Variants in YLPM1 observed in about 807,000 individuals in gnomAD.
YLPM1 encodes YLP motif containing 1, also known as YLP motif-containing protein 1.
In YLPM1, 99 loss-of-function variants were observed where a neutral mutation model predicts 230.0. The observed-to-expected ratio is 0.43, with a 90% CI of 0.37 to 0.51. The LOEUF is 0.51. Among genes scored for constraint, YLPM1 ranks in the 20% least tolerant of loss-of-function variants. The pLI, the probability that YLPM1 is intolerant of heterozygous loss-of-function variation, is 0.00. For missense variants in YLPM1, 2,592 were observed against 2,707.7 expected (o/e 0.96, Z 0.95); for synonymous variants, 984 against 942.5 (o/e 1.04, Z -0.81).
At chr14:74,777,118 A>G (rs2091048910) in intron 1 of YLPM1, among the ~76,000 whole-genome samples, 2 of 152,050 alleles carry the variant, frequency 1.3e-5, no homozygotes, top group African/African-American at 4.8e-5. Context: ...ATCCAAGAAT[A>G]ATGAGGATTG....
chr14:74,806,392 C>T (rs1394118213), intron 6 of YLPM1, among the ~76,000 whole-genome samples: 2 of 151,918 alleles, frequency 1.3e-5, no homozygotes, highest in Admixed American at 1.3e-4. Context: ...TCAAGACCAG[C>T]TTGGCCAACA....
At chr14:74,769,858 C>CCCG (rs2090958365) in intron 1 of YLPM1, among the ~76,000 whole-genome samples, 1 of 97,778 alleles carries the variant, frequency 1.0e-5, no homozygotes, top group South Asian at 5.6e-4. Flanking sequence ...GACACCCCCC[C>CCCG]CCCCGCCCCC....
At chr14:74,801,385 C>G (rs1312657744) in intron 5 of YLPM1, among the ~76,000 whole-genome samples, 1 of 152,020 alleles carries the variant, frequency 6.6e-6, no homozygotes, top group Non-Finnish European at 1.5e-5. Flanking sequence ...ATTTGGGTCA[C>G]TTTAATGTAA....
At chr14:74,768,671 C>A (rs1307626244) in intron 1 of YLPM1, among the ~76,000 whole-genome samples, 1 of 152,190 alleles carries the variant, frequency 6.6e-6, no homozygotes, top group Non-Finnish European at 1.5e-5. Flanking sequence ...TACTTACGGA[C>A]TAGCAACTAT....
At chr14:74,783,935 G>A (rs1421226031) in intron 4 of YLPM1, among the ~76,000 whole-genome samples, 1 of 152,206 alleles carries the variant, frequency 6.6e-6, no homozygotes, top group Non-Finnish European at 1.5e-5. Flanking sequence ...GGATTATTTA[G>A]CAGAGTGAGT....
chr14:74,800,522 A>G (rs1162436531), intron 5 of YLPM1, among the ~76,000 whole-genome samples: 2 of 152,192 alleles, frequency 1.3e-5, no homozygotes, highest in African/African-American at 4.8e-5. Flanking sequence ...TTTTAAAGCA[A>G]TTTTTTTGAG....
chr14:74,830,434 C>G (rs1566768944), intron 19 of YLPM1, among the ~76,000 whole-genome samples: 1 of 152,154 alleles, frequency 6.6e-6, no homozygotes, highest in Non-Finnish European at 1.5e-5. Context: ...GTGTAGAAGT[C>G]TTTTTCAGCT....
chr14:74,835,428 G>A lies in YLPM1; in HGVS notation c.*17G>A, dbSNP rs750088689. 1.3e-5 allele frequency: 21 copies of A among 1,612,408 alleles called. No homozygotes were observed. The highest frequency in any genetic ancestry group is 2.2e-5 in the South Asian group (2 of 90,932). ...TATATATGAGACTTAGTTTTTGAAC[G>A]GAGTCATTATTCCTCTAAGGTAAGA... is the stretch of plus-strand genomic sequence containing the variant. On this transcript the variant is annotated 3_prime_UTR_variant, in exon 20 of 21. Coordinates refer to ENST00000325680, the MANE Select transcript of YLPM1 (RefSeq NM_019589.3).
intron 16 of YLPM1, among the ~76,000 whole-genome samples, chr14:74,820,324 A>G (rs2091510940): frequency 6.6e-6 from 1 of 152,084 alleles, no homozygotes; most frequent in Non-Finnish European, 1.5e-5. Flanking sequence ...ATCATAGCTC[A>G]TTGCTGCCTC....
chr14:74,783,761 G>A (rs2091118898), intron 4 of YLPM1, among the ~76,000 whole-genome samples: 2 of 152,070 alleles, frequency 1.3e-5, no homozygotes, highest in Admixed American at 6.6e-5. Flanking sequence ...TAAGAGAAAG[G>A]GCAATTAACA....
intron 3 of YLPM1, among the ~76,000 whole-genome samples, 171 bp downstream of exon 3, chr14:74,780,755 GGGTT>G (rs1341424771): frequency 6.6e-6 from 1 of 152,196 alleles, no homozygotes; most frequent in Non-Finnish European, 1.5e-5. Context: ...GACTGGGGAG[GGGTT>G]GGTTATAGTA....
intron 17 of YLPM1, 148 bp from the exon 18 acceptor site, chr14:74,824,108 T>G: frequency 4.3e-6 from 3 of 696,556 alleles, no homozygotes; most frequent in Non-Finnish European, 2.4e-6. Context: ...TCAAAGATAA[T>G]GAGATTGTGT....
At chr14:74,825,756 T>C (rs2091556557) in intron 18 of YLPM1, among the ~76,000 whole-genome samples, 1 of 152,122 alleles carries the variant, frequency 6.6e-6, no homozygotes, top group African/African-American at 2.4e-5. Context: ...AAGGGGAATG[T>C]AAAAGTGATA....
rs1440106188 is a variant in YLPM1 at position 74,821,115 on chromosome 14, C to A, written c.6089C>A (p.Ala2030Glu). ...IEEQKEEKKD[A>E]EEEESELGYI... ...GAACAGAAAGAAGAAAAGAAAGATG[C>A]AGAGGAAGAGGAAAGCGAACTGGTA... The change falls in exon 17 of 21, where the codon GCA becomes GAA. Residue 2030 changes from alanine to glutamate, a missense_variant. By Grantham distance (107) the Ala-to-Glu change is moderately radical (BLOSUM62 -1). Transcript: ENST00000325680. 3 of 1,543,462 alleles carry A rather than the reference C, an allele frequency of 1.9e-6. No individual in the cohort carries two copies. The highest frequency in any genetic ancestry group is 2.6e-6 in the Non-Finnish European group (3 of 1,143,412).
At position 74,781,563 on chromosome 14, in the gene YLPM1, A is replaced by G; in HGVS notation, c.1520A>G (p.Lys507Arg). The change falls in exon 4 of 21, where the codon AAG (lysine) becomes AGG (arginine). Residue 507 changes from lysine to arginine, a missense_variant. Around this residue, in one of 4 missense-constraint regions of YLPM1, gnomAD observed 1,862 missense variants for 1,819.8 expected, o/e 1.02. Coordinates refer to ENST00000325680, the MANE Select transcript of YLPM1 (RefSeq NM_019589.3). Reference sequence around the variant, plus strand: ...AAAGTCAATTCATTTCAGAACATGAAGAACCAGTATATGGGGAACATGTCA... The same window carrying G: ...AAAGTCAATTCATTTCAGAACATGAGGAACCAGTATATGGGGAACATGTCA... ...QEKVNSFQNM[K>R]NQYMGNMSMP... 2 of 1,614,026 alleles carry G rather than the reference A, an allele frequency of 1.2e-6. No homozygotes were observed. Among genetic ancestry groups the G allele is most frequent in the Non-Finnish European group, 1.7e-6 (2 of 1,179,890 alleles).
rs1351829881 is a variant in YLPM1, at chr14:74,799,419, A to G, written c.4122A>G (p.Arg1374=). 6.2e-7 allele frequency: 1 copy of G among 1,613,998 alleles called. No individual in the cohort carries two copies. The highest frequency in any genetic ancestry group is 1.3e-5 in the African/African-American group (1 of 75,040). Residue 1374 remains arginine (R), a synonymous_variant, in exon 5 of 21, where the codon CGA becomes CGG. Coordinates refer to ENST00000325680, the MANE Select transcript of YLPM1 (RefSeq NM_019589.3). Reference sequence around the variant, plus strand: ...GTGATAGGGGTGAGTTGAGGATTCGAGAGTATCCAGAAAGAGGAGATACAT... The same window carrying G: ...GTGATAGGGGTGAGTTGAGGATTCGGGAGTATCCAGAAAGAGGAGATACAT... ...DFRDRGELRI[R]EYPERGDTWR...
At chr14:74,814,668 A>G (rs985605984) in intron 11 of YLPM1, among the ~76,000 whole-genome samples, 17 of 152,044 alleles carry the variant, frequency 1.1e-4, no homozygotes, top group Middle Eastern at 6.8e-3. Flanking sequence ...TTTGTTGAGG[A>G]TTTTTGCATC....
chr14:74,782,233 A>C lies in YLPM1; in HGVS notation c.2190A>C (p.Pro730=). ...AGTCTTCAGCTGCTCCATCTCAGCC[A>C]ATCACTGCAGTGAAGGACATGCCAG... is the stretch of plus-strand genomic sequence containing the variant. ...LGESSAAPSQ[P]ITAVKDMPVR... is the part of the protein sequence containing the mutation. The change falls in exon 4 of 21, where the codon CCA becomes CCC. Residue 730 remains proline (P), a synonymous_variant. Transcript: ENST00000325680. 6.2e-7 allele frequency: 1 copy of C among 1,600,222 alleles called. No homozygotes were observed. Among genetic ancestry groups the C allele is most frequent in the African/African-American group, 1.3e-5 (1 of 75,042 alleles).
In YLPM1 at chr14:74,764,641, C is replaced by T. The variant is rs188556904; in HGVS notation, c.873+279C>T. Among the ~76,000 whole-genome samples the T allele has an allele frequency of 4.2e-4, 64 of 152,292 alleles. No homozygotes were observed. The East Asian group carries it at 8.9e-3, about 21-fold the overall frequency. ...TACATTCCTTGGTTTCTTTGACCAT[C>T]CTCTTAGATTTTGTTGCTGTTGCAA... On this transcript the variant is annotated intron_variant, in intron 1 of 20. Coordinates refer to ENST00000325680, the MANE Select transcript of YLPM1 (RefSeq NM_019589.3).
Sources: gnomAD v4.1 joint callset for allele counts (sites outside exome capture counted in the v4.1 genomes callset) on GRCh38, gnomAD v4.1.1 for gene constraint, gnomAD v4.1.1 regional missense constraint, MANE v1.5 for transcripts, NCBI Gene and HGNC (gene_info 2026-07-23, HGNC 2026-07-21) for gene names.